Variants in LRRC49 observed in about 807,000 individuals in gnomAD.
LRRC49 encodes the protein leucine rich repeat containing 49, also known as leucine-rich repeat-containing protein 49.
A neutral mutation model predicts 83.3 loss-of-function variants in LRRC49; 50 were observed. That is an observed-to-expected ratio of 0.60 (90% CI 0.48 to 0.76). The LOEUF is 0.76. Ranked by LOEUF, LRRC49 falls within the 30% of genes least tolerant of loss-of-function variation. LRRC49 has a pLI of 0.00. For synonymous variants in LRRC49, 286 were observed against 283.3 expected (o/e 1.01, Z -0.10); for missense variants, 704 against 809.1 (o/e 0.87, Z 1.58).
intron 8 of LRRC49, among the ~76,000 whole-genome samples, chr15:70,939,575 G>T (rs560693342): frequency 2.6e-5 from 4 of 152,274 alleles, no homozygotes; most frequent in South Asian, 2.1e-4. Flanking sequence ...TATTTATGCA[G>T]TGGGGTATAT....
chr15:71,009,837 A>AAT lies in LRRC49; in HGVS notation c.1438_1439insAT (p.Met480AsnfsTer9). 1 of 1,612,006 alleles carries AAT rather than the reference A, an allele frequency of 6.2e-7. No homozygotes were observed. Among genetic ancestry groups the AAT allele is most frequent in the Non-Finnish European group, 8.5e-7 (1 of 1,178,662 alleles). Reference sequence around the variant, plus strand: ...TAAATTCAAGGAAACAAATCTTGTAATGCTGCAGCAATTTAACGCACTAGC... The same window carrying AAT: ...TAAATTCAAGGAAACAAATCTTGTAAATTGCTGCAGCAATTTAACGCACTAGC... On this transcript the variant is annotated frameshift_variant, in exon 13 of 16. Coordinates refer to ENST00000260382, the MANE Select transcript of LRRC49 (RefSeq NM_017691.5). LOFTEE classifies it high-confidence loss of function.
chr15:70,874,632 A>C (rs1379107456), intron 2 of LRRC49, among the ~76,000 whole-genome samples: 1 of 152,198 alleles, frequency 6.6e-6, no homozygotes, highest in African/African-American at 2.4e-5. Flanking sequence ...TGCCTCAGTT[A>C]ATTTCCTCAT....
intron 15 of LRRC49, among the ~76,000 whole-genome samples, chr15:71,047,172 C>G (rs2039877579): frequency 6.6e-6 from 1 of 152,054 alleles, no homozygotes; most frequent in African/African-American, 2.4e-5. Context: ...GCTATTCGGG[C>G]TCTTTTTTGG....
intron 15 of LRRC49, among the ~76,000 whole-genome samples, chr15:71,043,384 G>T (rs761900213): frequency 6.6e-6 from 1 of 152,140 alleles, no homozygotes; most frequent in Non-Finnish European, 1.5e-5. Flanking sequence ...TATCTCATCA[G>T]AATTGAACTT....
At chr15:70,886,641 G>A (rs2141088212) in intron 2 of LRRC49, among the ~76,000 whole-genome samples, 1 of 152,300 alleles carries the variant, frequency 6.6e-6, no homozygotes, top group African/African-American at 2.4e-5. Flanking sequence ...GCTAAGGCAG[G>A]TGGGTCACGA....
At chr15:70,896,313 C>T (rs550545541) in intron 3 of LRRC49, among the ~76,000 whole-genome samples, 1 of 152,098 alleles carries the variant, frequency 6.6e-6, no homozygotes, top group East Asian at 1.9e-4. Context: ...ACAATCTTTC[C>T]CTGTTACTGT....
At chr15:70,861,522 G>A (rs1194989024) in intron 1 of LRRC49, among the ~76,000 whole-genome samples, 1 of 151,694 alleles carries the variant, frequency 6.6e-6, no homozygotes, top group African/African-American at 2.4e-5. Flanking sequence ...TTTCTAAAAG[G>A]CCCTCAGTAC....
At chr15:71,046,463 G>A (rs1420869994) in intron 15 of LRRC49, among the ~76,000 whole-genome samples, 1 of 152,232 alleles carries the variant, frequency 6.6e-6, no homozygotes, top group East Asian at 1.9e-4. Flanking sequence ...GTGATGCTGA[G>A]CACTATTTCA....
At chr15:70,877,407 A>AT (rs1360981305) in intron 2 of LRRC49, among the ~76,000 whole-genome samples, 1 of 152,022 alleles carries the variant, frequency 6.6e-6, no homozygotes, top group African/African-American at 2.4e-5. Flanking sequence ...GTCACTATAG[A>AT]TTTTTTTCTT....
In LRRC49 at chr15:71,009,965, C is replaced by T. The variant is rs2038596420; in HGVS notation, c.1566C>T (p.Phe522=). The T allele has an allele frequency of 2.5e-6, 4 of 1,598,038 alleles. No individual in the cohort carries two copies. The South Asian group carries it at 4.6e-5, about 18-fold the overall frequency. The change falls in exon 13 of 16, where the codon TTC becomes TTT. Residue 522 remains phenylalanine, a synonymous_variant. Coordinates refer to ENST00000260382, the MANE Select transcript of LRRC49 (RefSeq NM_017691.5). ...KYYVLFRLSH[F]SMQKINGTEV... ...ATGTACTGTTTAGGCTAAGCCATTT[C>T]AGTATGCAGAAAATAAATGGAACAG...
chr15:70,989,150 A>G (rs185433136), intron 11 of LRRC49, among the ~76,000 whole-genome samples: 2,974 of 152,084 alleles, frequency 0.02, 94 homozygotes, highest in African/African-American at 0.068. Context: ...TCTTTGTGGC[A>G]TTCTCTGTAT....
chr15:70,940,739 T>A (rs1471272572), intron 8 of LRRC49, among the ~76,000 whole-genome samples: 2 of 152,222 alleles, frequency 1.3e-5, no homozygotes, highest in African/African-American at 2.4e-5. Flanking sequence ...AGATAACCAA[T>A]GATATGCAAA....
chr15:70,911,289 C>T (rs2034538636), intron 5 of LRRC49, among the ~76,000 whole-genome samples: 1 of 152,076 alleles, frequency 6.6e-6, no homozygotes, highest in Admixed American at 6.6e-5. Flanking sequence ...ACTTAAGGTT[C>T]TTAGACATAG....
chr15:70,990,416 G>C (rs555635915), intron 11 of LRRC49, among the ~76,000 whole-genome samples: 1 of 152,122 alleles, frequency 6.6e-6, no homozygotes, highest in Non-Finnish European at 1.5e-5. Flanking sequence ...GTGAGACTCC[G>C]TGGGCATAGG....
rs1001052829 is a variant in LRRC49 at position 70,922,171 on chromosome 15, G to C, written c.711+2978G>C. ...TACCATATGATCCAGCAGTCCTACT[G>C]TTGGGTATATTTCCAAAAGAAAGGA... On this transcript the variant is annotated intron_variant, in intron 7 of 15. Transcript: ENST00000260382. Among the ~76,000 whole-genome samples, 4 of 152,126 alleles carry C rather than the reference G, an allele frequency of 2.6e-5. No homozygotes were observed. The East Asian group carries it at 7.7e-4, about 29-fold the overall frequency.
At chr15:70,937,713 C>G (rs933902767) in intron 8 of LRRC49, among the ~76,000 whole-genome samples, 3 of 152,128 alleles carry the variant, frequency 2.0e-5, no homozygotes, top group Non-Finnish European at 2.9e-5. Flanking sequence ...ACCCAATCAT[C>G]CTGTACTATG....
At chr15:70,870,897 G>T (rs1264582232) in intron 1 of LRRC49, among the ~76,000 whole-genome samples, 1 of 151,102 alleles carries the variant, frequency 6.6e-6, no homozygotes, top group Admixed American at 6.6e-5. Context: ...AGAATTTCTA[G>T]ATATGCTGCA....
At chr15:71,026,824 T>G (rs1314714450) in intron 14 of LRRC49, among the ~76,000 whole-genome samples, 1 of 152,210 alleles carries the variant, frequency 6.6e-6, no homozygotes, top group Middle Eastern at 3.2e-3. Flanking sequence ...TTAAGTTCCT[T>G]GTAGATTCTG....
chr15:71,009,800 A>G lies in LRRC49; in HGVS notation c.1408-7A>G. 6.2e-7 allele frequency: 1 copy of G among 1,601,392 alleles called. No individual in the cohort carries two copies. The highest frequency in any genetic ancestry group is 2.2e-5 in the East Asian group (1 of 44,650). ...TTCTGATCTGTATTTGTGTTTTATC[A>G]TTGCAGCACCTTAAATTCAAGGAAA... On this transcript the variant is annotated splice_polypyrimidine_tract_variant and splice_region_variant and intron_variant, in intron 12 of 15. Transcript: ENST00000260382.
Sources: allele counts gnomAD v4.1 joint callset (sites outside exome capture counted in the v4.1 genomes callset), GRCh38; gene constraint gnomAD v4.1.1; transcripts MANE v1.5; gene names NCBI Gene and HGNC (gene_info 2026-07-23, HGNC 2026-07-21).